Variants in EPB41L5 observed in about 807,000 individuals in gnomAD.
The protein encoded by EPB41L5 is erythrocyte membrane protein band 4.1 like 5.
Under a neutral mutation model 106.6 loss-of-function variants are expected in EPB41L5, and 55 were observed. That is an observed-to-expected ratio of 0.52 (90% CI 0.42 to 0.65). The LOEUF is 0.65. Among genes scored for constraint, EPB41L5 ranks in the 30% least tolerant of loss-of-function variants. EPB41L5 has a pLI of 0.00. For synonymous variants in EPB41L5, 297 were observed against 306.7 expected, an observed-to-expected ratio of 0.97 and a Z score of 0.33; for missense variants, 871 against 882.1, an observed-to-expected ratio of 0.99 and a Z score of 0.16.
intron 2 of EPB41L5, among the ~76,000 whole-genome samples, chr2:120,026,747 G>GA: frequency 6.6e-6 from 1 of 152,288 alleles, no homozygotes; most frequent in Middle Eastern, 3.4e-3. Context: ...TCATCAAAAT[G>GA]AAAAATTTTT....
At chr2:120,088,558 A>C (rs928427665) in intron 11 of EPB41L5, among the ~76,000 whole-genome samples, 1 of 152,162 alleles carries the variant, frequency 6.6e-6, no homozygotes, top group African/African-American at 2.4e-5. Flanking sequence ...TTACCTATGT[A>C]ACAAACCTTC....
chr2:120,075,790 A>G, intron 7 of EPB41L5, 37 bp downstream of exon 7: 3 of 1,517,974 alleles, frequency 2.0e-6, no homozygotes, highest in Non-Finnish European at 2.7e-6. Context: ...AGACTCAAGT[A>G]TAATCTTTTT....
chr2:120,136,695 A>G (rs938925732), intron 18 of EPB41L5, among the ~76,000 whole-genome samples: 1 of 152,064 alleles, frequency 6.6e-6, no homozygotes, highest in African/African-American at 2.4e-5. Context: ...GAGCAAGAGG[A>G]TATAACATTA....
intron 20 of EPB41L5, among the ~76,000 whole-genome samples, chr2:120,146,656 C>A (rs567459229): frequency 6.6e-6 from 1 of 152,188 alleles, no homozygotes; most frequent in African/African-American, 2.4e-5. Flanking sequence ...GCCATGGGTT[C>A]TCACAGTAAT....
Position 120,073,233 on chromosome 2 carries a change from A to G in EPB41L5, c.328+13A>G, listed in dbSNP as rs1365793499. On this transcript the variant is annotated intron_variant, in intron 4 of 24. Transcript: ENST00000263713. ...AAGCAAGTAAAAAGTAAGTGCAGACAAAATTATTTGTGGGGGGGAAAGGAA... is the reference window on the plus strand; with the variant it reads ...AAGCAAGTAAAAAGTAAGTGCAGACGAAATTATTTGTGGGGGGGAAAGGAA... 8 of 1,600,380 alleles carry G rather than the reference A, an allele frequency of 5.0e-6. No homozygotes were observed. The Admixed American group carries it at 6.9e-5, about 14-fold the overall frequency.
chr2:120,051,833 T>G (rs1680308373), intron 3 of EPB41L5, among the ~76,000 whole-genome samples: 1 of 75,746 alleles, frequency 1.3e-5, no homozygotes, highest in South Asian at 3.8e-4. Flanking sequence ...TGCATTGTTT[T>G]GTTTTTTTTT....
At position 120,100,758 on chromosome 2, in the gene EPB41L5, A is replaced by T; in HGVS notation, c.1281A>T (p.Pro427=). ...VSPSISSAPV[P]VEIENLPQSP... Reference sequence around the variant, plus strand: ...CTTCCATTTCCTCTGCTCCTGTGCCAGTGGAGATAGAGAATCTTCCACAGA... The same window carrying T: ...CTTCCATTTCCTCTGCTCCTGTGCCTGTGGAGATAGAGAATCTTCCACAGA... The change falls in exon 16 of 25, where the codon CCA becomes CCT. Residue 427 remains proline (P), a synonymous_variant. Coordinates refer to ENST00000263713, the MANE Select transcript of EPB41L5 (RefSeq NM_020909.4). The T allele has an allele frequency of 2.5e-6, 4 of 1,613,448 alleles. No individual in the cohort carries two copies. The highest frequency in any genetic ancestry group is 3.4e-6 in the Non-Finnish European group (4 of 1,179,630).
intron 18 of EPB41L5, among the ~76,000 whole-genome samples, chr2:120,137,831 G>A (rs748936776): frequency 1.7e-4 from 26 of 152,028 alleles, no homozygotes; most frequent in Non-Finnish European, 2.8e-4. Context: ...GAGGAGGAAA[G>A]AATATTTCCA....
intron 3 of EPB41L5, among the ~76,000 whole-genome samples, chr2:120,045,716 A>G (rs1574519480): frequency 1.3e-5 from 2 of 152,170 alleles, no homozygotes; most frequent in African/African-American, 4.8e-5. Context: ...TGTGCACAAC[A>G]TGCAGGTTTG....
At chr2:120,023,083 C>G (rs1331879578) in intron 2 of EPB41L5, among the ~76,000 whole-genome samples, 1 of 151,932 alleles carries the variant, frequency 6.6e-6, no homozygotes, top group Admixed American at 6.6e-5. Flanking sequence ...GGATATTAGC[C>G]CTTTGTCAGA....
chr2:120,029,075 A>G (rs1362763012), intron 2 of EPB41L5, among the ~76,000 whole-genome samples: 1 of 152,166 alleles, frequency 6.6e-6, no homozygotes, highest in Non-Finnish European at 1.5e-5. Context: ...AAGGAAGGAG[A>G]TAGCACGGCA....
chr2:120,040,235 G>A (rs933711738), intron 2 of EPB41L5, among the ~76,000 whole-genome samples: 16 of 152,056 alleles, frequency 1.1e-4, no homozygotes, highest in African/African-American at 3.4e-4. Context: ...AGGTTGAAGA[G>A]GTCCATATAG....
intron 11 of EPB41L5, among the ~76,000 whole-genome samples, chr2:120,087,948 A>T (rs1372308884): frequency 6.6e-6 from 1 of 152,234 alleles, no homozygotes; most frequent in Non-Finnish European, 1.5e-5. Flanking sequence ...AGCCAGATTT[A>T]AAAAATTATG....
chr2:120,121,357 C>T (rs1685208439), intron 16 of EPB41L5, among the ~76,000 whole-genome samples: 1 of 152,128 alleles, frequency 6.6e-6, no homozygotes, highest in Non-Finnish European at 1.5e-5. Flanking sequence ...TCCCCCACTC[C>T]CCCTCCCGAC....
chr2:120,081,095 AG>A (rs1313742509), intron 10 of EPB41L5, among the ~76,000 whole-genome samples: 2 of 152,168 alleles, frequency 1.3e-5, no homozygotes, highest in African/African-American at 2.4e-5. Flanking sequence ...TTTGCTGTGC[AG>A]AAGCTCTTTA....
chr2:120,123,844 G>A (rs1352698166), intron 16 of EPB41L5, among the ~76,000 whole-genome samples: 1 of 151,740 alleles, frequency 6.6e-6, no homozygotes, highest in Non-Finnish European at 1.5e-5. Context: ...TTTCAGTAGA[G>A]ATGGGGTTTT....
In EPB41L5 at chr2:120,164,836, G is replaced by T; in HGVS notation, c.1888G>T (p.Glu630Ter). Residue 630 changes from glutamate to a stop codon, truncating the protein, a stop_gained and splice_region_variant, in exon 22 of 25, where the codon GAA becomes TAA. Coordinates refer to ENST00000263713, the MANE Select transcript of EPB41L5 (RefSeq NM_020909.4). LOFTEE classifies it high-confidence loss of function. ...AATTCTAGATTCCTGTCTTCCATAG[G>T]AAGCTACAGATGAATTGGATGCCTT... is the stretch of plus-strand genomic sequence containing the variant. ...TPADSGSVLK[E>*]ATDELDALLA... 4.4e-6 allele frequency: 7 copies of T among 1,607,296 alleles called. No individual in the cohort carries two copies. The highest frequency in any genetic ancestry group is 5.9e-6 in the Non-Finnish European group (7 of 1,176,978).
At chr2:120,041,161 A>G (rs1271501656) in intron 2 of EPB41L5, among the ~76,000 whole-genome samples, 1 of 152,200 alleles carries the variant, frequency 6.6e-6, no homozygotes, top group Non-Finnish European at 1.5e-5. Flanking sequence ...AAAAATAACT[A>G]TTTTCTAAAA....
chr2:120,089,167 TTAAA>T (rs1360303914), intron 11 of EPB41L5, among the ~76,000 whole-genome samples: 7 of 152,156 alleles, frequency 4.6e-5, no homozygotes, highest in Non-Finnish European at 8.8e-5. Context: ...AATAGTGTCT[TTAAA>T]TAACCTGAAA....
Sources: gnomAD v4.1 joint callset for allele counts (sites outside exome capture counted in the v4.1 genomes callset) on GRCh38, gnomAD v4.1.1 for gene constraint, MANE v1.5 for transcripts, NCBI Gene and HGNC (gene_info 2026-07-23, HGNC 2026-07-21) for gene names.